The following STARD3 variants were observed in gnomAD, a reference collection of about 807,000 sequenced individuals.
The protein encoded by STARD3 is StAR related lipid transfer domain containing 3, also known as stAR-related lipid transfer protein 3.
In STARD3, 39 loss-of-function variants were observed where a neutral mutation model predicts 62.0. The ratio of observed to expected loss-of-function variants is 0.63; its 90% CI spans 0.49 to 0.82. The LOEUF is 0.82. Ranked by LOEUF, STARD3 falls within the 40% of genes least tolerant of loss-of-function variation. STARD3 has a pLI of 0.00. For synonymous variants in STARD3, 229 were observed against 242.4 expected, an observed-to-expected ratio of 0.94 and a Z score of 0.51; for missense variants, 543 against 584.5, an observed-to-expected ratio of 0.93 and a Z score of 0.73.
chr17:39,641,889 G>A (rs917093800), intron 1 of STARD3, among the ~76,000 whole-genome samples: 3 of 152,146 alleles, frequency 2.0e-5, no homozygotes, highest in African/African-American at 7.2e-5. Flanking sequence ...CATGTATCAT[G>A]GCCAGGCACT....
intron 1 of STARD3, among the ~76,000 whole-genome samples, chr17:39,649,615 C>T (rs541799911): frequency 6.6e-6 from 1 of 152,250 alleles, no homozygotes; most frequent in African/African-American, 2.4e-5. Context: ...GCCTGTAATC[C>T]CAGCACTTTG....
At position 39,662,882 on chromosome 17, in the gene STARD3, A is replaced by G; in HGVS notation, c.1312A>G (p.Ile438Val). The G allele has an allele frequency of 6.2e-7, 1 of 1,612,208 alleles. No homozygotes were observed. The highest frequency in any genetic ancestry group is 1.1e-5 in the South Asian group (1 of 90,878). Reference sequence around the variant, plus strand: ...ATTTGCCTTTCACCTGCGACAGCGCATCAGCGAGCTGGGGGCCCGGGCGTG... The same window carrying G: ...ATTTGCCTTTCACCTGCGACAGCGCGTCAGCGAGCTGGGGGCCCGGGCGTG... The part of the protein sequence containing the change: ...FEFAFHLRQR[I>V]SELGARA The change falls in exon 15 of 15, where the codon ATC (isoleucine) becomes GTC (valine). Residue 438 changes from isoleucine (I) to valine (V), a missense_variant. Transcript: ENST00000336308.
chr17:39,658,111 G>A (rs1045857062), intron 5 of STARD3, 85 bp downstream of exon 5: 5 of 1,444,916 alleles, frequency 3.5e-6, no homozygotes, highest in Non-Finnish European at 4.7e-6. Flanking sequence ...CTAATTTGGG[G>A]TGTCTGTCCC....
chr17:39,660,460 G>T lies in STARD3; in HGVS notation c.888G>T (p.Val296=), dbSNP rs1489411202. The stretch of plus-strand genomic sequence containing the variant: ...TCCTGCCCTGTCCTGCGGAGCTCGT[G>T]TACCAGGAGGTGATCCTGCAGCCCG... ...KTFLPCPAEL[V]YQEVILQPER... is the part of the protein sequence containing the mutation. The change falls in exon 11 of 15, where the codon GTG becomes GTT. Residue 296 remains valine (V), a synonymous_variant. Coordinates refer to ENST00000336308, the MANE Select transcript of STARD3 (RefSeq NM_006804.4). This position sits in a 1 kb window ranked among gnomAD's most constrained non-coding sequence, Gnocchi z 4.8. The T allele has an allele frequency of 1.2e-6, 2 of 1,613,994 alleles. No individual in the cohort carries two copies. The highest frequency in any genetic ancestry group is 2.2e-5 in the East Asian group (1 of 44,880).
At chr17:39,648,589 A>G (rs1477433818) in intron 1 of STARD3, among the ~76,000 whole-genome samples, 2 of 152,148 alleles carry the variant, frequency 1.3e-5, no homozygotes, top group Non-Finnish European at 2.9e-5. Flanking sequence ...AGACTGGGGT[A>G]CAGGTTCCTT....
At chr17:39,639,619 G>T (rs1211288782) in intron 1 of STARD3, among the ~76,000 whole-genome samples, 1 of 152,218 alleles carries the variant, frequency 6.6e-6, no homozygotes, top group Non-Finnish European at 1.5e-5. Context: ...CAGAGGCAGC[G>T]TCCTTTGCTG....
intron 1 of STARD3, among the ~76,000 whole-genome samples, chr17:39,643,968 G>A (rs1372463377): frequency 6.6e-6 from 1 of 152,228 alleles, no homozygotes; most frequent in African/African-American, 2.4e-5. Flanking sequence ...CCAGCAAGGT[G>A]GAAATCTGAG....
In STARD3 at chr17:39,660,419, G is replaced by T. The variant is rs372696759; in HGVS notation, c.859-12G>T. On this transcript the variant is annotated splice_polypyrimidine_tract_variant and intron_variant, in intron 10 of 14. Coordinates refer to ENST00000336308, the MANE Select transcript of STARD3 (RefSeq NM_006804.4). The surrounding 1 kb of genome is among the most constrained non-coding windows in gnomAD (Gnocchi z 4.8). ...ATCTGGCACCACCCAGCCCTCTGCC[G>T]CCCTGTCCCAGACCTTCCTGCCCTG... 1 of 1,613,424 alleles carries T rather than the reference G, an allele frequency of 6.2e-7. No homozygotes were observed. The highest frequency in any genetic ancestry group is 8.5e-7 in the Non-Finnish European group (1 of 1,179,922).
chr17:39,647,881 A>G (rs1275017034), intron 1 of STARD3, among the ~76,000 whole-genome samples: 2 of 152,210 alleles, frequency 1.3e-5, no homozygotes, highest in Non-Finnish European at 1.5e-5. Flanking sequence ...GTGGTGGCTC[A>G]TGCCTGTAAT....
intron 1 of STARD3, among the ~76,000 whole-genome samples, chr17:39,640,684 C>T (rs1239646365): frequency 6.6e-6 from 1 of 150,738 alleles, no homozygotes; most frequent in African/African-American, 2.4e-5. Context: ...CTGAGTGGGT[C>T]AGGGGTCATG....
chr17:39,644,817 A>T (rs1381176623), intron 1 of STARD3, among the ~76,000 whole-genome samples: 1 of 151,566 alleles, frequency 6.6e-6, no homozygotes, highest in Non-Finnish European at 1.5e-5. Context: ...AGCTGTAATC[A>T]CACCACTGCA....
chr17:39,653,483 C>T lies in STARD3; in HGVS notation c.-49C>T, dbSNP rs759819791. ...CTCTGCCTCTGCCTCGCCCCCAGCC[C>T]TGCTGCTGAGGCCGCGCCCTCCCCG... On this transcript the variant is annotated splice_region_variant and 5_prime_UTR_variant, in exon 2 of 15. Transcript: ENST00000336308. 15 of 1,585,006 alleles carry T rather than the reference C, an allele frequency of 9.5e-6. No individual in the cohort carries two copies. Among genetic ancestry groups the T allele is most frequent in the Non-Finnish European group, 1.2e-5 (14 of 1,170,414 alleles).
chr17:39,638,076 C>A (rs1324443752), intron 1 of STARD3, among the ~76,000 whole-genome samples: 4 of 152,238 alleles, frequency 2.6e-5, no homozygotes, highest in Non-Finnish European at 5.9e-5. Context: ...TCTACCCCAA[C>A]CCAGCCGGAA....
intron 1 of STARD3, among the ~76,000 whole-genome samples, chr17:39,649,964 G>A (rs2057062168): frequency 6.6e-6 from 1 of 151,882 alleles, no homozygotes; most frequent in Non-Finnish European, 1.5e-5. Context: ...GTAAGTTACT[G>A]CTCACACGTG....
chr17:39,658,474 T>C lies in STARD3; in HGVS notation c.499T>C (p.Trp167Arg), dbSNP rs1220942380. 6.2e-7 allele frequency: 1 copy of C among 1,614,164 alleles called. No homozygotes were observed. The highest frequency in any genetic ancestry group is 8.5e-7 in the Non-Finnish European group (1 of 1,179,996). Residue 167 changes from tryptophan (W) to arginine (R), a missense_variant, in exon 6 of 15, where the codon TGG (tryptophan) becomes CGG (arginine). By Grantham distance (101) the Trp-to-Arg change is moderately radical. Transcript: ENST00000336308. ...TTTTGTCCTCGCCTGGTTGGAGACC[T>C]GGTTCCTTGACTTCAAAGTCCTACC... is the stretch of plus-strand genomic sequence containing the variant. ...VSFVLAWLET[W>R]FLDFKVLPQE...
chr17:39,662,493 G>T (rs1389148671), intron 14 of STARD3, 149 bp downstream of exon 14: 3 of 766,854 alleles, frequency 3.9e-6, no homozygotes, highest in Non-Finnish European at 6.4e-6. Context: ...TTGGGTCAGG[G>T]TCCAGATGGT....
At chr17:39,653,949 A>G (rs1406104062) in intron 2 of STARD3, among the ~76,000 whole-genome samples, 199 bp downstream of exon 2, 4 of 152,128 alleles carry the variant, frequency 2.6e-5, no homozygotes, top group African/African-American at 9.7e-5. Flanking sequence ...TCATTTGGCC[A>G]AGGTCCCTCT....
At position 39,662,110 on chromosome 17, in the gene STARD3, T is replaced by A. The variant is rs2057205526; in HGVS notation, c.1140-141T>A. 7 of 718,660 alleles carry A rather than the reference T, an allele frequency of 9.7e-6. No homozygotes were observed. The South Asian group carries it at 1.2e-4, about 13-fold the overall frequency. The allele number at this position is 718,660 out of a possible 1,614,324, so 44.5% of individuals were successfully genotyped here. The stretch of plus-strand genomic sequence containing the variant: ...CATGGGACACCTGTGCTAAGCCTTG[T>A]TCAGATAGGGTAGCTCTGCCTTTCT... On this transcript the variant is annotated intron_variant, in intron 13 of 14. Coordinates refer to ENST00000336308, the MANE Select transcript of STARD3 (RefSeq NM_006804.4).
At position 39,660,868 on chromosome 17, in the gene STARD3, C is replaced by A; in HGVS notation, c.1013C>A (p.Ala338Glu). The change falls in exon 12 of 15, where the codon GCG becomes GAG. Residue 338 changes from alanine to glutamate, a missense_variant. Ala to Glu is a moderately radical substitution (Grantham distance 107, BLOSUM62 -1). Coordinates refer to ENST00000336308, the MANE Select transcript of STARD3 (RefSeq NM_006804.4). The surrounding 1 kb of genome is among the most constrained non-coding windows in gnomAD (Gnocchi z 4.8). Reference sequence around the variant, plus strand: ...TCCTATGACGTGTCTGCAGGGGCTGCGGGCGGCGTGGTCTCCCCAAGGTGA... The same window carrying A: ...TCCTATGACGTGTCTGCAGGGGCTGAGGGCGGCGTGGTCTCCCCAAGGTGA... The part of the protein sequence containing the change: ...LISYDVSAGA[A>E]GGVVSPRDFV... The A allele has an allele frequency of 6.3e-7, 1 of 1,599,628 alleles. No homozygotes were observed. Among genetic ancestry groups the A allele is most frequent in the Non-Finnish European group, 8.5e-7 (1 of 1,170,890 alleles).
Sources: allele counts gnomAD v4.1 joint callset (sites outside exome capture counted in the v4.1 genomes callset), GRCh38; gene constraint gnomAD v4.1.1; non-coding constraint Gnocchi (gnomAD v3.1); transcripts MANE v1.5; gene names NCBI Gene and HGNC (gene_info 2026-07-23, HGNC 2026-07-21).